Variants in ME2 observed in about 807,000 individuals in gnomAD.
ME2 encodes the protein NAD-dependent malic enzyme, mitochondrial.
A neutral mutation model predicts 73.7 loss-of-function variants in ME2; 60 were observed. The ratio of observed to expected loss-of-function variants is 0.81; its 90% confidence interval spans 0.66 to 1.01. ME2 has a LOEUF of 1.01. Ranked by LOEUF, ME2 falls within the 50% of genes least tolerant of loss-of-function variation. The probability of loss-of-function intolerance (pLI) is 0.00; values close to 1 mark genes in which losing one functional copy is unlikely to be tolerated. For synonymous variants in ME2, 199 were observed against 236.9 expected, an observed-to-expected ratio of 0.84 and a Z score of 1.47; for missense variants, 594 against 705.5, an observed-to-expected ratio of 0.84 and a Z score of 1.79.
chr18:50,915,165 G>A (rs571486896), intron 4 of ME2, among the ~76,000 whole-genome samples: 5 of 151,492 alleles, frequency 3.3e-5, no homozygotes, highest in Non-Finnish European at 7.4e-5. Context: ...TTACTTTATT[G>A]TAAGAATACA....
At chr18:50,913,265 C>G (rs4527115) in intron 4 of ME2, 1 of 184,582 alleles carries the variant, frequency 5.4e-6, no homozygotes, top group African/African-American at 2.3e-5. Flanking sequence ...CCAGAATTAT[C>G]ATTAAAATTT....
In ME2 at chr18:50,948,894, T is replaced by G. The variant is rs1599133331; in HGVS notation, c.*1710T>G. ...AGAGTCTCGCTTTTGTCGCCCAGTC[T>G]GGAGTGTAGTGGCATGATCTCTGCA... On this transcript the variant is annotated 3_prime_UTR_variant, in exon 16 of 16. Transcript: ENST00000321341. The G allele has an allele frequency of 7.1e-6, 1 of 139,912 alleles. No homozygotes were observed. Among genetic ancestry groups the G allele is most frequent in the Admixed American group, 7.7e-5 (1 of 12,984 alleles). 8.7% of individuals were successfully genotyped at this position (139,912 alleles called of 1,614,324 possible).
chr18:50,891,456 T>G (rs1327557023), intron 1 of ME2, among the ~76,000 whole-genome samples: 1 of 152,162 alleles, frequency 6.6e-6, no homozygotes, highest in African/African-American at 2.4e-5. Context: ...TTCATAGGTC[T>G]CTGAAAAGAT....
intron 11 of ME2, 25 bp downstream of exon 11, chr18:50,924,237 A>G (rs544454731): frequency 2.1e-6 from 3 of 1,461,014 alleles, no homozygotes; most frequent in Non-Finnish European, 2.9e-6. Context: ...TCTGATAAAT[A>G]ATTTTACTCC....
chr18:50,896,742 T>G (rs1418700262), intron 2 of ME2, among the ~76,000 whole-genome samples: 3 of 152,192 alleles, frequency 2.0e-5, no homozygotes, highest in African/African-American at 7.2e-5. Flanking sequence ...TCCCGTTTGT[T>G]TCCCACTATC....
At chr18:50,907,842 A>G (rs12961166) in intron 2 of ME2, among the ~76,000 whole-genome samples, 1 of 152,228 alleles carries the variant, frequency 6.6e-6, no homozygotes, top group Non-Finnish European at 1.5e-5. Context: ...ACTGTCTTCC[A>G]AAGGCCTAAA....
At chr18:50,904,921 C>T (rs1207036682) in intron 2 of ME2, among the ~76,000 whole-genome samples, 5 of 151,716 alleles carry the variant, frequency 3.3e-5, no homozygotes, top group African/African-American at 4.8e-5. Flanking sequence ...GCTTCTTTCT[C>T]TCCTCTCCTC....
chr18:50,940,311 T>C lies in ME2; in HGVS notation c.1512T>C (p.Asp504=), dbSNP rs1433405433. The change falls in exon 15 of 16, where the codon GAT becomes GAC. Residue 504 remains aspartate (D), a synonymous_variant. Coordinates refer to ENST00000321341, the MANE Select transcript of ME2 (RefSeq NM_002396.5). ...AAKALTSQLT[D]EELAQGRLYP... is the part of the protein sequence containing the mutation. The stretch of plus-strand genomic sequence containing the variant: ...AGGCCCTGACAAGCCAATTGACAGA[T>C]GAAGAGCTAGCCCAAGGGAGACTTT... 6.2e-7 allele frequency: 1 copy of C among 1,609,306 alleles called. No individual in the cohort carries two copies.
At chr18:50,944,903 T>G (rs1243227718) in intron 15 of ME2, among the ~76,000 whole-genome samples, 2 of 152,148 alleles carry the variant, frequency 1.3e-5, no homozygotes, top group Non-Finnish European at 2.9e-5. Flanking sequence ...CACCTCCCAC[T>G]GCCCCTCACA....
At chr18:50,890,978 A>G (rs1183791122) in intron 1 of ME2, among the ~76,000 whole-genome samples, 2 of 152,132 alleles carry the variant, frequency 1.3e-5, no homozygotes, top group Non-Finnish European at 2.9e-5. Flanking sequence ...CTGAAGATAA[A>G]CGTATGTACC....
chr18:50,911,691 G>T (rs187780904), intron 3 of ME2, among the ~76,000 whole-genome samples: 7 of 152,144 alleles, frequency 4.6e-5, no homozygotes, highest in Non-Finnish European at 1.0e-4. Context: ...TGCATCAAAC[G>T]CAGCAAGTCC....
chr18:50,947,495 G>T lies in ME2; in HGVS notation c.*311G>T. On this transcript the variant is annotated 3_prime_UTR_variant, in exon 16 of 16. Coordinates refer to ENST00000321341, the MANE Select transcript of ME2 (RefSeq NM_002396.5). ...TGTACTCTAATTCAGACTTGCCAAA[G>T]TATTTGCTATTTACTATTATGGGTA... 4.2e-6 allele frequency: 1 copy of T among 236,886 alleles called. No homozygotes were observed. 14.7% of individuals were successfully genotyped at this position (236,886 alleles called of 1,614,324 possible).
chr18:50,893,751 T>C (rs1305750014), intron 1 of ME2, among the ~76,000 whole-genome samples: 1 of 152,222 alleles, frequency 6.6e-6, no homozygotes, highest in East Asian at 1.9e-4. Flanking sequence ...CTGCTGCCTT[T>C]TCCTCTTACT....
chr18:50,920,378 A>G, intron 7 of ME2, 78 bp from the exon 8 acceptor site: 1 of 988,522 alleles, frequency 1.0e-6, no homozygotes, highest in Non-Finnish European at 1.5e-6. Flanking sequence ...TTTGAATGCT[A>G]TCATAGGGAA....
At chr18:50,942,368 AT>A (rs1387365293) in intron 15 of ME2, among the ~76,000 whole-genome samples, 3 of 152,282 alleles carry the variant, frequency 2.0e-5, no homozygotes, top group African/African-American at 7.2e-5. Context: ...ATAATGTAAC[AT>A]TTAGTACTTT....
At chr18:50,892,746 G>C (rs558126511) in intron 1 of ME2, among the ~76,000 whole-genome samples, 1 of 151,912 alleles carries the variant, frequency 6.6e-6, no homozygotes, top group East Asian at 1.9e-4. Context: ...TTAGACCTTC[G>C]TTGTAAATGG....
At chr18:50,891,775 T>C (rs1407336277) in intron 1 of ME2, among the ~76,000 whole-genome samples, 1 of 151,744 alleles carries the variant, frequency 6.6e-6, no homozygotes, top group Non-Finnish European at 1.5e-5. Context: ...GACCCATTAC[T>C]CCATGACACC....
In ME2 at chr18:50,895,847, C is replaced by T. The variant is rs1198885437; in HGVS notation, c.27C>T (p.Ser9=). The T allele has an allele frequency of 3.7e-6, 6 of 1,612,838 alleles. No individual in the cohort carries two copies. Among genetic ancestry groups the T allele is most frequent in the Admixed American group, 3.3e-5 (2 of 59,958 alleles). Reference sequence around the variant, plus strand: ...TGTTGTCCCGGTTAAGAGTAGTTTCCACCACTTGTACTTTGGCATGTCGAC... The same window carrying T: ...TGTTGTCCCGGTTAAGAGTAGTTTCTACCACTTGTACTTTGGCATGTCGAC... MLSRLRVV[S]TTCTLACRHL... Residue 9 remains serine (S), a synonymous_variant, in exon 2 of 16, where the codon TCC becomes TCT. Coordinates refer to ENST00000321341, the MANE Select transcript of ME2 (RefSeq NM_002396.5).
Position 50,939,888 on chromosome 18 carries a change from A to T in ME2, c.1488+248A>T, listed in dbSNP as rs1917907094. 3 of 461,504 alleles carry T rather than the reference A, an allele frequency of 6.5e-6. No homozygotes were observed. In the East Asian group the frequency reaches 1.1e-4, roughly 17 times the overall value. The allele number at this position is 461,504 out of a possible 1,614,324, so 28.6% of individuals were successfully genotyped here. On this transcript the variant is annotated intron_variant, in intron 14 of 15. Coordinates refer to ENST00000321341, the MANE Select transcript of ME2 (RefSeq NM_002396.5). ...CTATACTTGCAATTTGTATATCTGA[A>T]TATATTGTGACAGCATAGATAACTC...
Sources: gnomAD v4.1 joint callset for allele counts (sites outside exome capture counted in the v4.1 genomes callset) on GRCh38, gnomAD v4.1.1 for gene constraint, MANE v1.5 for transcripts, NCBI Gene and HGNC (gene_info 2026-07-23, HGNC 2026-07-21) for gene names.